Variants in DNAAF11 observed in about 807,000 individuals in gnomAD.
The protein encoded by DNAAF11 is dynein axonemal assembly factor 11.
In DNAAF11, 45 loss-of-function variants were observed where a neutral mutation model predicts 60.8. That is an observed-to-expected ratio of 0.74 (90% confidence interval 0.58 to 0.95). The LOEUF is 0.95. Ranked by LOEUF, DNAAF11 falls within the 40% of genes least tolerant of loss-of-function variation. DNAAF11 has a pLI of 0.00. For synonymous variants in DNAAF11, 191 were observed against 183.5 expected (o/e 1.04, Z -0.33); for missense variants, 546 against 546.2 (o/e 1.00, Z 0.00).
At chr8:132,585,136 C>A (rs1244175373) in intron 10 of DNAAF11, among the ~76,000 whole-genome samples, 1 of 152,086 alleles carries the variant, frequency 6.6e-6, no homozygotes, top group Non-Finnish European at 1.5e-5. Context: ...GATGAATGAA[C>A]CAATGAAGAA....
At chr8:132,604,405 G>A (rs1817937809) in intron 10 of DNAAF11, among the ~76,000 whole-genome samples, 1 of 152,124 alleles carries the variant, frequency 6.6e-6, no homozygotes. Flanking sequence ...CACCACTGAA[G>A]TGGTAAATAT....
the DNAAF11 span, among the ~76,000 whole-genome samples, chr8:132,687,049 G>A: frequency 6.6e-6 from 1 of 152,038 alleles, no homozygotes. Flanking sequence ...CTCACCCATA[G>A]AAGACACTCA....
chr8:132,628,534 C>G (rs533828166), intron 5 of DNAAF11, among the ~76,000 whole-genome samples: 12 of 152,186 alleles, frequency 7.9e-5, no homozygotes, highest in African/African-American at 2.7e-4. Context: ...TTTCAATTCT[C>G]CAGGCTGGAG....
intron 3 of DNAAF11, chr8:132,643,506 A>G: frequency 2.6e-6 from 1 of 389,284 alleles, no homozygotes; most frequent in Non-Finnish European, 5.1e-6. Context: ...TCCTCTCCCA[A>G]CACAGTTAAT....
intron 10 of DNAAF11, among the ~76,000 whole-genome samples, chr8:132,593,994 A>G (rs1563989831): frequency 1.3e-5 from 2 of 152,162 alleles, no homozygotes; most frequent in Non-Finnish European, 2.9e-5. Flanking sequence ...TAAATAGGAA[A>G]AAGGAAGTAA....
chr8:132,635,529 T>C (rs932689609), intron 4 of DNAAF11, among the ~76,000 whole-genome samples: 8 of 152,276 alleles, frequency 5.3e-5, no homozygotes, highest in South Asian at 4.1e-4. Flanking sequence ...GCTCAGACAC[T>C]GGGAAGAAAA....
the DNAAF11 span, chr8:132,685,024 C>CTTTG: frequency 1.5e-4 from 23 of 151,518 alleles, no homozygotes; most frequent in African/African-American, 5.1e-4. Context: ...AGAGTTTTTA[C>CTTTG]TTAGTTTATT....
chr8:132,600,495 G>A, intron 10 of DNAAF11, among the ~76,000 whole-genome samples: 1 of 152,170 alleles, frequency 6.6e-6, no homozygotes, highest in East Asian at 1.9e-4. Context: ...AACAAAGCTG[G>A]AGGCATCACG....
At position 132,596,574 on chromosome 8, in the gene DNAAF11, A is replaced by G. The variant is rs543042915; in HGVS notation, c.1141-12795T>C. Among the ~76,000 whole-genome samples, 299 of 152,310 alleles carry G rather than the reference A, an allele frequency of 2.0e-3. 1 individual carries two copies. The highest frequency in any genetic ancestry group is 3.4e-3 in the Non-Finnish European group (230 of 68,020). On this transcript the variant is annotated intron_variant, in intron 10 of 11. Coordinates refer to ENST00000620350, the MANE Select transcript of DNAAF11 (RefSeq NM_012472.6). ...CATGCTGGAGAGGGTTTTGTGCCTT[A>G]GGAAAAAAATGACATCCTGAATTCA...
intron 5 of DNAAF11, among the ~76,000 whole-genome samples, chr8:132,631,306 G>A (rs368471406): frequency 6.6e-6 from 1 of 152,182 alleles, no homozygotes; most frequent in East Asian, 1.9e-4. Flanking sequence ...AAGACCACAT[G>A]TGTTGTTAGA....
chr8:132,610,886 G>GTTTATTTA (rs371154949), intron 9 of DNAAF11, among the ~76,000 whole-genome samples: 3 of 151,800 alleles, frequency 2.0e-5, no homozygotes, highest in Non-Finnish European at 4.4e-5. Flanking sequence ...TTTTATTTTT[G>GTTTATTTA]TTTATTTATT....
At chr8:132,585,667 A>T (rs1438323251) in intron 10 of DNAAF11, among the ~76,000 whole-genome samples, 1 of 152,218 alleles carries the variant, frequency 6.6e-6, no homozygotes, top group Non-Finnish European at 1.5e-5. Flanking sequence ...AAGAATTGGC[A>T]ACTAAAGCTA....
At chr8:132,604,796 T>C (rs1817975599) in intron 10 of DNAAF11, among the ~76,000 whole-genome samples, 1 of 152,134 alleles carries the variant, frequency 6.6e-6, no homozygotes, top group African/African-American at 2.4e-5. Context: ...ATACATATAA[T>C]ATCTATAAAT....
intron 8 of DNAAF11, among the ~76,000 whole-genome samples, chr8:132,614,179 A>G (rs1818926120): frequency 6.6e-6 from 1 of 152,136 alleles, no homozygotes; most frequent in South Asian, 2.1e-4. Context: ...AGGGGTAGGT[A>G]CTGCTTTATG....
intron 10 of DNAAF11, among the ~76,000 whole-genome samples, chr8:132,604,954 A>T (rs1586556547): frequency 6.6e-6 from 1 of 152,120 alleles, no homozygotes; most frequent in African/African-American, 2.4e-5. Context: ...TTCCTATTGC[A>T]ATCTATAAAT....
intron 1 of DNAAF11, among the ~76,000 whole-genome samples, chr8:132,664,046 C>A (rs144771664): frequency 3.3e-5 from 5 of 152,342 alleles, no homozygotes; most frequent in African/African-American, 1.2e-4. Context: ...GGAAATGCAG[C>A]CCTCAGGTTG....
upstream of DNAAF11, among the ~76,000 whole-genome samples, chr8:132,676,988 C>CA (rs1229952661): frequency 6.6e-6 from 1 of 152,164 alleles, no homozygotes; most frequent in Non-Finnish European, 1.5e-5. Flanking sequence ...GCATTGGAAA[C>CA]ATAGATTAAA....
At chr8:132,655,893 T>C (rs956763798) in intron 3 of DNAAF11, among the ~76,000 whole-genome samples, 34 of 148,734 alleles carry the variant, frequency 2.3e-4, no homozygotes, top group African/African-American at 8.4e-4. Flanking sequence ...GGTACTCACA[T>C]GGACTATCAG....
At chr8:132,674,296 A>G (rs1477670013) in intron 1 of DNAAF11, among the ~76,000 whole-genome samples, 1 of 151,980 alleles carries the variant, frequency 6.6e-6, no homozygotes, top group Non-Finnish European at 1.5e-5. Flanking sequence ...AGAGGAAGAA[A>G]TATCAGTAGC....
Sources: gnomAD v4.1 joint callset for allele counts (sites outside exome capture counted in the v4.1 genomes callset) on GRCh38, gnomAD v4.1.1 for gene constraint, MANE v1.5 for transcripts, NCBI Gene and HGNC (gene_info 2026-07-23, HGNC 2026-07-21) for gene names.